The following TLE3 variants were observed in gnomAD, a reference collection of about 807,000 sequenced individuals.
TLE3 encodes the protein transducin-like enhancer protein 3.
Under a neutral mutation model 93.0 loss-of-function variants are expected in TLE3, and 14 were observed. The observed-to-expected ratio is 0.15, with a 90% CI of 0.10 to 0.24. The LOEUF (loss-of-function observed/expected upper bound fraction) is 0.24, where lower values mean the gene tolerates loss of function less well. Among genes scored for constraint, TLE3 ranks in the 10% least tolerant of loss-of-function variants. The pLI is 1.00. For missense variants in TLE3, 693 were observed against 1,046.6 expected (o/e 0.66, Z 4.66); for synonymous variants, 451 against 425.0 (o/e 1.06, Z -0.75).
intron 4 of TLE3, among the ~76,000 whole-genome samples, chr15:70,091,627 T>C (rs763655225): frequency 3.9e-5 from 6 of 152,166 alleles, no homozygotes; most frequent in Non-Finnish European, 7.3e-5. Context: ...GGAGAAACCA[T>C]TTATTACTTC....
At position 70,060,630 on chromosome 15, in the gene TLE3, G is replaced by A. The variant is rs1031711731; in HGVS notation, c.614C>T (p.Ser205Leu). 4 of 1,613,786 alleles carry A rather than the reference G, an allele frequency of 2.5e-6. No individual in the cohort carries two copies. Among genetic ancestry groups the A allele is most frequent in the African/African-American group, 2.7e-5 (2 of 74,916 alleles). ...CTTCTCACTGGCCCGGAGGCTTTCC[G>A]AGGGTGACACAGAGTTATTCTGGAA... ...ESSANNSVSP[S>L]ESLRASEKHR... Residue 205 changes from serine to leucine, a missense_variant, in exon 9 of 20, where the codon TCG (serine) becomes TTG (leucine). Transcript: ENST00000451782.
At chr15:70,093,061 G>A (rs931717538) in intron 4 of TLE3, among the ~76,000 whole-genome samples, 4 of 152,256 alleles carry the variant, frequency 2.6e-5, no homozygotes, top group Admixed American at 1.3e-4. Flanking sequence ...GCATTCTTCC[G>A]GGACCTGGCC....
chr15:70,095,477 G>A (rs1277457910), intron 3 of TLE3, 101 bp downstream of exon 3: 1 of 1,546,026 alleles, frequency 6.5e-7, no homozygotes, highest in African/African-American at 1.4e-5. Flanking sequence ...CCTGCGGCTG[G>A]GCGGTGGTGG....
intron 4 of TLE3, chr15:70,079,407 AC>A (rs1344122972): frequency 4.4e-6 from 2 of 451,488 alleles, no homozygotes; most frequent in South Asian, 1.6e-5. Context: ...CGTTGGGAGA[AC>A]CTCCTGGTTC....
chr15:70,097,733 G>A lies in TLE3; in HGVS notation c.-935C>T, dbSNP rs2058628371. On this transcript the variant is annotated 5_prime_UTR_variant, in exon 1 of 20. Coordinates refer to ENST00000451782, the MANE Select transcript of TLE3 (RefSeq NM_001105192.3). The stretch of plus-strand genomic sequence containing the variant: ...CGGCTTCCTTCCTTCCCCTCGGCCC[G>A]GCTCTCCTCTCCGCGCCCCGGCAAA... 7.6e-6 allele frequency: 3 copies of A among 395,334 alleles called. No individual in the cohort carries two copies. Among genetic ancestry groups the A allele is most frequent in the Admixed American group, 4.4e-5 (1 of 22,576 alleles). 24.5% of individuals were successfully genotyped at this position (395,334 alleles called of 1,614,324 possible). A position where few individuals can be genotyped will look rare whatever the true frequency, so the allele number is the denominator to read the frequency against.
intron 10 of TLE3, among the ~76,000 whole-genome samples, chr15:70,059,046 A>G (rs1271838144): frequency 6.6e-6 from 1 of 152,190 alleles, no homozygotes; most frequent in African/African-American, 2.4e-5. Context: ...CAGGACTTCA[A>G]TCAGCATGGC....
chr15:70,060,777 C>A, intron 8 of TLE3, 128 bp from the exon 9 acceptor site: 1 of 1,500,644 alleles, frequency 6.7e-7, no homozygotes, highest in East Asian at 2.5e-5. Context: ...TCCTCTCTGC[C>A]CTGCAGATCG....
chr15:70,085,039 G>A (rs1455815133), intron 4 of TLE3, among the ~76,000 whole-genome samples: 1 of 152,224 alleles, frequency 6.6e-6, no homozygotes, highest in Non-Finnish European at 1.5e-5. Context: ...CTCAGTCGCA[G>A]TAGCCATATT....
chr15:70,081,045 AAGG>A (rs2057752322), intron 4 of TLE3, among the ~76,000 whole-genome samples: 3 of 152,210 alleles, frequency 2.0e-5, no homozygotes, highest in South Asian at 4.1e-4. Context: ...AAATAAAGGC[AAGG>A]AGAAGAGAAA....
intron 4 of TLE3, among the ~76,000 whole-genome samples, chr15:70,092,669 A>T (rs1439554635): frequency 6.6e-6 from 1 of 152,238 alleles, no homozygotes; most frequent in African/African-American, 2.4e-5. Flanking sequence ...AGATGTACAC[A>T]GCTGCTCTTT....
intron 8 of TLE3, among the ~76,000 whole-genome samples, chr15:70,062,362 G>C (rs2056542256): frequency 6.6e-6 from 1 of 152,170 alleles, no homozygotes. Flanking sequence ...CGCACTGGCT[G>C]CCCCTTGCAG....
In TLE3 at chr15:70,097,676, G is replaced by A. The variant is rs2058625068; in HGVS notation, c.-878C>T. On this transcript the variant is annotated 5_prime_UTR_variant, in exon 1 of 20. Transcript: ENST00000451782. ...AGCGCACAGGCAGGAGAGCGCTGGA[G>A]GGGAGACGCAGCCCGAGACCGGGGA... 1 of 397,590 alleles carries A rather than the reference G, an allele frequency of 2.5e-6. No homozygotes were observed. The highest frequency in any genetic ancestry group is 2.1e-5 in the African/African-American group (1 of 48,552). The allele number at this position is 397,590 out of a possible 1,614,324, so 24.6% of individuals were successfully genotyped here.
intron 4 of TLE3, among the ~76,000 whole-genome samples, chr15:70,076,380 G>A (rs900178973): frequency 2.0e-5 from 3 of 152,138 alleles, no homozygotes; most frequent in Admixed American, 2.0e-4. Context: ...TACATTTTAG[G>A]GAGCTCCAAT....
chr15:70,050,302 C>A, intron 19 of TLE3, 98 bp from the exon 20 acceptor site: 1 of 930,064 alleles, frequency 1.1e-6, no homozygotes, highest in Non-Finnish European at 1.7e-6. Context: ...CATCTCGGTT[C>A]TCTCGGCAAC....
chr15:70,094,483 ATAAGTTTT>A (rs2058455761), intron 4 of TLE3, 41 bp downstream of exon 4: 1 of 1,392,454 alleles, frequency 7.2e-7, no homozygotes, highest in African/African-American at 1.5e-5. Context: ...GTCCACATAT[ATAAGTTTT>A]TAAAAAATGA....
chr15:70,076,245 C>A, intron 4 of TLE3, 87 bp from the exon 5 acceptor site: 1 of 1,246,548 alleles, frequency 8.0e-7, no homozygotes, highest in Non-Finnish European at 1.2e-6. Context: ...CAAACTCCCC[C>A]CAGACCACAG....
intron 16 of TLE3, 48 bp from the exon 17 acceptor site, chr15:70,053,422 T>C (rs767095392): frequency 1.3e-6 from 2 of 1,565,204 alleles, no homozygotes; most frequent in African/African-American, 2.7e-5. Context: ...AACCACAGAC[T>C]GCCAGGTGGC....
chr15:70,093,351 C>T (rs2058389988), intron 4 of TLE3, among the ~76,000 whole-genome samples: 3 of 152,224 alleles, frequency 2.0e-5, no homozygotes, highest in African/African-American at 7.2e-5. Flanking sequence ...TATAGGAAGC[C>T]ACCCGAGTGG....
intron 4 of TLE3, among the ~76,000 whole-genome samples, chr15:70,087,794 G>T (rs888665401): frequency 7.9e-5 from 12 of 152,212 alleles, no homozygotes; most frequent in Non-Finnish European, 1.5e-4. Context: ...GAGAGGCAAA[G>T]GAAACCTCTT....
Sources: allele counts gnomAD v4.1 joint callset (sites outside exome capture counted in the v4.1 genomes callset), GRCh38; gene constraint gnomAD v4.1.1; transcripts MANE v1.5; gene names NCBI Gene and HGNC (gene_info 2026-07-23, HGNC 2026-07-21).